PRKD1: variants seen among roughly 807,000 people sequenced by gnomAD.
PRKD1 encodes protein kinase D1, also known as serine/threonine-protein kinase D1.
A neutral mutation model predicts 95.9 loss-of-function variants in PRKD1; 63 were observed. The ratio of observed to expected loss-of-function variants is 0.66; its 90% CI spans 0.54 to 0.81. PRKD1 has a LOEUF of 0.81. Ranked by LOEUF, PRKD1 falls within the 30% of genes least tolerant of loss-of-function variation. PRKD1 has a pLI of 0.00. For missense variants in PRKD1, 1,048 were observed against 1,165.3 expected, an observed-to-expected ratio of 0.90 and a Z score of 1.47; for synonymous variants, 425 against 423.1, an observed-to-expected ratio of 1.00 and a Z score of -0.05.
chr14:29,831,313 GATGAGATA>G, intron 1 of PRKD1, among the ~76,000 whole-genome samples: 1 of 152,276 alleles, frequency 6.6e-6, no homozygotes, highest in African/African-American at 2.4e-5. Context: ...AAACATTTAA[GATGAGATA>G]ATGAAACTGT....
chr14:29,698,332 T>C (rs570602033), intron 2 of PRKD1, among the ~76,000 whole-genome samples: 1 of 152,256 alleles, frequency 6.6e-6, no homozygotes, highest in East Asian at 1.9e-4. Flanking sequence ...AGTATAACAG[T>C]ATTATTTATA....
chr14:29,818,655 C>A (rs996607531), intron 1 of PRKD1, among the ~76,000 whole-genome samples: 5 of 149,706 alleles, frequency 3.3e-5, no homozygotes, highest in Non-Finnish European at 7.4e-5. Context: ...TGCTCCAGTA[C>A]AACTATTTTG....
At chr14:29,776,431 A>G (rs770476219) in intron 1 of PRKD1, among the ~76,000 whole-genome samples, 9 of 152,224 alleles carry the variant, frequency 5.9e-5, no homozygotes, top group Non-Finnish European at 1.3e-4. Context: ...TAGAATAAGT[A>G]GTGTAGAGAA....
intron 7 of PRKD1, among the ~76,000 whole-genome samples, chr14:29,636,026 A>C (rs1302374198): frequency 7.6e-6 from 1 of 130,938 alleles, no homozygotes; most frequent in East Asian, 2.3e-4. Context: ...GATGGCAAAC[A>C]TGAGCATCTC....
intron 2 of PRKD1, among the ~76,000 whole-genome samples, chr14:29,722,866 A>G (rs1885965035): frequency 6.6e-6 from 1 of 152,208 alleles, no homozygotes; most frequent in South Asian, 2.1e-4. Context: ...AATAAGTCGC[A>G]TGCTATGTGG....
chr14:29,626,527 A>G lies in PRKD1; in HGVS notation c.1755T>C (p.Pro585=). The G allele has an allele frequency of 6.2e-7, 1 of 1,612,756 alleles. No individual in the cohort carries two copies. Among genetic ancestry groups the G allele is most frequent in the Non-Finnish European group, 8.5e-7 (1 of 1,179,312 alleles). ...ACTGTCCAGAACCCAGTACTTCATC[A>G]GGAAAAATCTGATATACTGTGCTGA... ...VDISTVYQIF[P]DEVLGSGQFG... is the part of the protein sequence containing the mutation. The change falls in exon 12 of 18, where the codon CCT becomes CCC. Residue 585 remains proline (P), a synonymous_variant. Transcript: ENST00000331968.
rs1199761229 is a variant in PRKD1, at chr14:29,666,087, A to C, written c.525T>G (p.Leu175=). ...AAGAAAATAACTTACCTTCACATTT[A>C]AGACCTTGACGTACCAGCCCCCACA... ...EMLWGLVRQG[L]KCEGCGLNYH... Residue 175 remains leucine, a synonymous_variant, in exon 3 of 18, where the codon CTT becomes CTG. Transcript: ENST00000331968. 6.3e-7 allele frequency: 1 copy of C among 1,589,298 alleles called. No individual in the cohort carries two copies. The highest frequency in any genetic ancestry group is 1.2e-5 in the South Asian group (1 of 86,560).
chr14:29,612,991 G>A (rs951773994), intron 13 of PRKD1, among the ~76,000 whole-genome samples: 5 of 152,104 alleles, frequency 3.3e-5, no homozygotes, highest in African/African-American at 7.2e-5. Context: ...CCAGCTACTC[G>A]GGAGGCTGAG....
At chr14:29,627,238 G>A (rs535782694) in intron 11 of PRKD1, among the ~76,000 whole-genome samples, 1 of 152,310 alleles carries the variant, frequency 6.6e-6, no homozygotes, top group South Asian at 2.1e-4. Context: ...CCACATGTCT[G>A]TGTGAATCCT....
At chr14:29,632,980 A>G (rs1259065028) in intron 8 of PRKD1, 34 bp from the exon 9 acceptor site, 1 of 1,548,496 alleles carries the variant, frequency 6.5e-7, no homozygotes, top group Non-Finnish European at 8.9e-7. Flanking sequence ...ATCTTTTTAA[A>G]AAACTTTAAA....
rs1227330003 is a variant in PRKD1, at chr14:29,849,375, A to C, written c.264+77874T>G. 2.0e-5 allele frequency among the ~76,000 whole-genome samples: 3 copies of C among 152,206 alleles called. No homozygotes were observed. The East Asian group carries it at 5.8e-4, about 29-fold the overall frequency. ...TGAGCCAATTAAACCTCTTTTCTTTATAAGTTACCCAGTCTAAAGTATTTC... is the reference window on the plus strand; with the variant it reads ...TGAGCCAATTAAACCTCTTTTCTTTCTAAGTTACCCAGTCTAAAGTATTTC... On this transcript the variant is annotated intron_variant, in intron 1 of 17. Transcript: ENST00000331968.
At chr14:29,664,208 G>A (rs774417732) in intron 3 of PRKD1, among the ~76,000 whole-genome samples, 1 of 152,058 alleles carries the variant, frequency 6.6e-6, no homozygotes, top group East Asian at 1.9e-4. Flanking sequence ...ACACATAAAG[G>A]AATATTAATC....
At chr14:29,896,665 G>T (rs554680371) in intron 1 of PRKD1, among the ~76,000 whole-genome samples, 1 of 151,122 alleles carries the variant, frequency 6.6e-6, no homozygotes, top group Non-Finnish European at 1.5e-5. Flanking sequence ...TACACAAAAT[G>T]GTTGTAAAAG....
intron 1 of PRKD1, among the ~76,000 whole-genome samples, chr14:29,836,293 T>C (rs963306311): frequency 4.6e-5 from 7 of 152,168 alleles, no homozygotes; most frequent in Non-Finnish European, 8.8e-5. Flanking sequence ...TTATTAAAGA[T>C]TTTTGAACCA....
intron 13 of PRKD1, among the ~76,000 whole-genome samples, chr14:29,619,762 T>C (rs1176239517): frequency 6.6e-6 from 1 of 152,158 alleles, no homozygotes; most frequent in Non-Finnish European, 1.5e-5. Context: ...TGAGCTTAAC[T>C]TCACTGTCTC....
At chr14:29,658,531 A>G (rs920510711) in intron 4 of PRKD1, among the ~76,000 whole-genome samples, 2 of 152,098 alleles carry the variant, frequency 1.3e-5, no homozygotes, top group Admixed American at 6.5e-5. Flanking sequence ...TTTAAGAAAA[A>G]CTTTAAGAAA....
At chr14:29,703,061 C>G (rs1019640366) in intron 2 of PRKD1, among the ~76,000 whole-genome samples, 6 of 152,170 alleles carry the variant, frequency 3.9e-5, no homozygotes, top group African/African-American at 1.4e-4. Flanking sequence ...TTCTTTGCCA[C>G]GTGGTCAAAT....
At chr14:29,901,442 A>G (rs912430393) in intron 1 of PRKD1, among the ~76,000 whole-genome samples, 4 of 152,196 alleles carry the variant, frequency 2.6e-5, no homozygotes, top group African/African-American at 9.6e-5. Context: ...AGCATCATGC[A>G]ATATACGCAT....
intron 1 of PRKD1, among the ~76,000 whole-genome samples, chr14:29,888,332 G>GGAAA (rs1039574620): frequency 6.7e-6 from 1 of 150,270 alleles, no homozygotes; most frequent in African/African-American, 2.5e-5. Flanking sequence ...AGAAAAGAAA[G>GGAAA]GAAAGAAAGA....
Sources: allele counts gnomAD v4.1 joint callset (sites outside exome capture counted in the v4.1 genomes callset), GRCh38; gene constraint gnomAD v4.1.1; transcripts MANE v1.5; gene names NCBI Gene and HGNC (gene_info 2026-07-23, HGNC 2026-07-21).